FAM193A: variants seen among roughly 807,000 people sequenced by gnomAD.
FAM193A encodes the protein family with sequence similarity 193 member A.
Under a neutral mutation model 126.5 loss-of-function variants are expected in FAM193A, and 22 were observed. That is an observed-to-expected ratio of 0.17 (90% CI 0.12 to 0.25). The LOEUF (loss-of-function observed/expected upper bound fraction) is 0.25. FAM193A is among the 10% of genes least tolerant of loss of function. The pLI is 1.00. For missense variants in FAM193A, 1,675 were observed against 1,672.8 expected (o/e 1.00, Z -0.02); for synonymous variants, 761 against 646.8 (o/e 1.18, Z -2.68).
rs960185739 is a variant in FAM193A, at chr4:2,702,706, C to G, written c.4372+2162C>G. 1.3e-5 allele frequency among the ~76,000 whole-genome samples: 2 copies of G among 152,190 alleles called. 1 individual carries two copies. Among genetic ancestry groups the G allele is most frequent in the South Asian group, 4.1e-4 (2 of 4,832 alleles). ...AACCTGGACCCCATCATCCATGGTG[C>G]CTTTACTGACTTGCTGAGTCCTACA... On this transcript the variant is annotated intron_variant, in intron 19 of 20. Coordinates refer to ENST00000637812, the MANE Select transcript of FAM193A (RefSeq NM_001366318.2).
intron 20 of FAM193A, among the ~76,000 whole-genome samples, chr4:2,721,138 C>A (rs1466588144): frequency 6.6e-6 from 1 of 151,908 alleles, no homozygotes; most frequent in African/African-American, 2.4e-5. Context: ...ACGGTGAAAC[C>A]CCGTCTCTAC....
chr4:2,556,021 C>A (rs554749926), intron 1 of FAM193A, among the ~76,000 whole-genome samples: 1 of 151,690 alleles, frequency 6.6e-6, no homozygotes, highest in South Asian at 2.1e-4. Context: ...CTCAGCCTCC[C>A]GAGTAGCTGG....
intron 10 of FAM193A, among the ~76,000 whole-genome samples, chr4:2,661,915 G>A (rs1270194539): frequency 1.3e-5 from 2 of 152,184 alleles, no homozygotes; most frequent in Non-Finnish European, 2.9e-5. Flanking sequence ...CGGGTGCAGT[G>A]GCTGATGCCT....
intron 5 of FAM193A, among the ~76,000 whole-genome samples, chr4:2,637,445 A>G (rs1488259323): frequency 6.6e-6 from 1 of 152,248 alleles, no homozygotes; most frequent in African/African-American, 2.4e-5. Flanking sequence ...AGGCTATAAT[A>G]GTGAAGTCTA....
intron 1 of FAM193A, among the ~76,000 whole-genome samples, chr4:2,581,509 C>G (rs917949368): frequency 2.6e-5 from 4 of 152,130 alleles, no homozygotes; most frequent in Non-Finnish European, 5.9e-5. Context: ...CTGTCTGGGC[C>G]TCCCAAAGTG....
At chr4:2,620,485 G>GTT (rs1742473776) in intron 2 of FAM193A, among the ~76,000 whole-genome samples, 1 of 152,138 alleles carries the variant, frequency 6.6e-6, no homozygotes, top group African/African-American at 2.4e-5. Context: ...TTAGGTTGAT[G>GTT]GGTAAGCTAG....
intron 1 of FAM193A, among the ~76,000 whole-genome samples, chr4:2,546,222 G>A (rs1414240092): frequency 6.6e-6 from 1 of 151,856 alleles, no homozygotes; most frequent in Non-Finnish European, 1.5e-5. Context: ...AAACTCCTGG[G>A]CTCAAGCAGT....
At chr4:2,556,020 C>T (rs1025407748) in intron 1 of FAM193A, among the ~76,000 whole-genome samples, 4 of 151,782 alleles carry the variant, frequency 2.6e-5, no homozygotes, top group African/African-American at 7.3e-5. Flanking sequence ...TCTCAGCCTC[C>T]CGAGTAGCTG....
At chr4:2,540,513 G>A (rs1737165105) in intron 1 of FAM193A, among the ~76,000 whole-genome samples, 1 of 150,338 alleles carries the variant, frequency 6.7e-6, no homozygotes, top group Admixed American at 6.6e-5. Flanking sequence ...CAGGCGTGGT[G>A]GCGGGCGCCC....
At chr4:2,609,581 A>G (rs1741739125) in intron 2 of FAM193A, among the ~76,000 whole-genome samples, 1 of 152,210 alleles carries the variant, frequency 6.6e-6, no homozygotes, top group South Asian at 2.1e-4. Flanking sequence ...TTATGCCCAT[A>G]GATTAATCAA....
At chr4:2,670,040 C>G (rs1257064942) in intron 12 of FAM193A, among the ~76,000 whole-genome samples, 1 of 152,146 alleles carries the variant, frequency 6.6e-6, no homozygotes, top group Admixed American at 6.5e-5. Flanking sequence ...TTTGGATGCT[C>G]TTCCCCCTTT....
intron 12 of FAM193A, 47 bp from the exon 13 acceptor site, chr4:2,672,074 C>T (rs1205325313): frequency 2.5e-6 from 4 of 1,593,818 alleles, no homozygotes; most frequent in Admixed American, 1.7e-5. Flanking sequence ...TAATTCATAC[C>T]ATTTATTGTT....
At chr4:2,566,777 C>T (rs1201929226) in intron 1 of FAM193A, among the ~76,000 whole-genome samples, 1 of 152,116 alleles carries the variant, frequency 6.6e-6, no homozygotes, top group African/African-American at 2.4e-5. Flanking sequence ...TTACTGCACA[C>T]TTAAACTTGG....
At position 2,715,581 on chromosome 4, in the gene FAM193A, T is replaced by C. The variant is rs947971861; in HGVS notation, c.4373-442T>C. On this transcript the variant is annotated intron_variant, in intron 19 of 20. Transcript: ENST00000637812. ...CAAGGGCACATTCGAGGGACAGCCC[T>C]TTCCTTAACATGGGCCTGTCCCCTG... 10 of 914,274 alleles carry C rather than the reference T, an allele frequency of 1.1e-5. No homozygotes were observed. The African/African-American group carries it at 1.6e-4, about 15-fold the overall frequency. 56.6% of individuals were successfully genotyped at this position (914,274 alleles called of 1,614,324 possible).
At position 2,590,509 on chromosome 4, in the gene FAM193A, A is replaced by G. The variant is rs1350101300; in HGVS notation, c.256-5575A>G. Among the ~76,000 whole-genome samples the G allele has an allele frequency of 1.5e-5, 2 of 133,528 alleles. 1 individual carries two copies. Among genetic ancestry groups the G allele is most frequent in the South Asian group, 4.2e-4 (2 of 4,714 alleles). The allele number at this position is 133,528 out of a possible 152,430, so 87.6% of individuals were successfully genotyped here. A position where few individuals can be genotyped will look rare whatever the true frequency, so the allele number is the denominator to read the frequency against. On this transcript the variant is annotated intron_variant, in intron 1 of 20. Transcript: ENST00000637812. ...AACAAAAAAAAACAAAAAAAAACAA[A>G]AAAAAAACAAAACAAAATTAAAAAA... is the stretch of plus-strand genomic sequence containing the variant.
intron 1 of FAM193A, among the ~76,000 whole-genome samples, chr4:2,587,435 G>C (rs1400297395): frequency 6.6e-6 from 1 of 152,226 alleles, no homozygotes; most frequent in Non-Finnish European, 1.5e-5. Context: ...GCACGTGCCT[G>C]TGGTCTCAGC....
chr4:2,575,535 C>T (rs565886467), intron 1 of FAM193A, among the ~76,000 whole-genome samples: 11 of 148,194 alleles, frequency 7.4e-5, no homozygotes, highest in Non-Finnish European at 1.6e-4. Context: ...GGCGCAATCT[C>T]GGCTCGCTGC....
chr4:2,662,818 A>C lies in FAM193A; in HGVS notation c.1746-20A>C. 1 of 1,596,290 alleles carries C rather than the reference A, an allele frequency of 6.3e-7. No homozygotes were observed. The highest frequency in any genetic ancestry group is 8.6e-7 in the Non-Finnish European group (1 of 1,165,456). On this transcript the variant is annotated intron_variant, in intron 10 of 20. Coordinates refer to ENST00000637812, the MANE Select transcript of FAM193A (RefSeq NM_001366318.2). ...TTCACAATTGAATGACCTCACAGTG[A>C]CCATCTCTGCTTGTGTCAGTTGTAG... is the stretch of plus-strand genomic sequence containing the variant.
intron 1 of FAM193A, among the ~76,000 whole-genome samples, chr4:2,576,089 G>GTTAT (rs144324210): frequency 0.032 from 4,816 of 152,004 alleles, 88 homozygotes; most frequent in South Asian, 0.078. Flanking sequence ...CACATACCCA[G>GTTAT]TTATTTATTT....
Sources: allele counts gnomAD v4.1 joint callset (sites outside exome capture counted in the v4.1 genomes callset), GRCh38; gene constraint gnomAD v4.1.1; transcripts MANE v1.5; gene names NCBI Gene and HGNC (gene_info 2026-07-23, HGNC 2026-07-21).